Variants in ZNF254 observed in about 807,000 individuals in gnomAD.
The protein encoded by ZNF254 is zinc finger protein 254, also known as CTD-2017D11.1.
In ZNF254, 10 loss-of-function variants were observed where a neutral mutation model predicts 12.4. The observed-to-expected ratio is 0.80, with a 90% CI of 0.50 to 1.36. The LOEUF (loss-of-function observed/expected upper bound fraction) is 1.36. Ranked by LOEUF, ZNF254 falls within the 40% of genes most tolerant of loss-of-function variation. The pLI is 0.00. For missense variants in ZNF254, 996 were observed against 763.9 expected (o/e 1.30, Z -3.58); for synonymous variants, 305 against 253.4 (o/e 1.20, Z -1.93).
At chr19:24,107,416 G>A (rs1042341201) in intron 3 of ZNF254, 2 of 391,746 alleles carry the variant, frequency 5.1e-6, no homozygotes, top group African/African-American at 4.2e-5. Context: ...TGAGCTCCTT[G>A]TTTAAATTTG....
At chr19:24,106,707 TC>T (rs1383530502) in intron 3 of ZNF254, 64 bp downstream of exon 3, 1 of 1,344,638 alleles carries the variant, frequency 7.4e-7, no homozygotes, top group Non-Finnish European at 1.0e-6. Context: ...AGAAAGCCAC[TC>T]TTTAAAGTGA....
intron 2 of ZNF254, 29 bp downstream of exon 2, chr19:24,106,095 C>G (rs761572302): frequency 6.5e-7 from 1 of 1,543,416 alleles, no homozygotes; most frequent in East Asian, 2.3e-5. Flanking sequence ...CAAAATTCCT[C>G]ACATAAACTA....
intron 2 of ZNF254, chr19:24,063,775 A>G (rs1971166134): frequency 6.8e-6 from 1 of 147,938 alleles, no homozygotes; most frequent in Admixed American, 6.8e-5. Context: ...CACTAAGGTG[A>G]TGTTACTTTT....
intron 1 of ZNF254, chr19:24,105,105 CTA>C (rs1459590986): frequency 6.5e-6 from 1 of 153,798 alleles, no homozygotes; most frequent in Non-Finnish European, 1.4e-5. Context: ...CATCAGCACA[CTA>C]TAAAAACCTG....
At chr19:24,069,605 A>C (rs926761880) in intron 2 of ZNF254, among the ~76,000 whole-genome samples, 4 of 90,810 alleles carry the variant, frequency 4.4e-5, no homozygotes, top group Non-Finnish European at 9.5e-5. Flanking sequence ...ACTCCATCTC[A>C]AAAAAAAAAA....
chr19:24,106,352 C>G, intron 2 of ZNF254, 196 bp from the exon 3 acceptor site: 1 of 514,870 alleles, frequency 1.9e-6, no homozygotes, highest in Non-Finnish European at 3.1e-6. Flanking sequence ...ATTTTTGATT[C>G]AGTAGTACCA....
chr19:24,036,090 C>T (rs1309826797), intron 1 of ZNF254, among the ~76,000 whole-genome samples: 1 of 151,998 alleles, frequency 6.6e-6, no homozygotes, highest in Non-Finnish European at 1.5e-5. Flanking sequence ...GAGATGGAGG[C>T]TCACTCTGTC....
chr19:24,041,410 A>C (rs1056876082), intron 1 of ZNF254, among the ~76,000 whole-genome samples: 1 of 152,252 alleles, frequency 6.6e-6, no homozygotes, highest in Non-Finnish European at 1.5e-5. Flanking sequence ...CACTCGGAGC[A>C]GCCAGCCAGC....
chr19:24,106,596 A>G lies in ZNF254; in HGVS notation c.206A>G (p.Lys69Arg). The G allele has an allele frequency of 6.3e-7, 1 of 1,583,380 alleles. No homozygotes were observed. The highest frequency in any genetic ancestry group is 8.6e-7 in the Non-Finnish European group (1 of 1,162,704). ...CTGATCACCTGTCTGGAACAAGGGA[A>G]AGAGCCCTGGAATATGAAGCGACAT... ...PDLITCLEQG[K>R]EPWNMKRHEM... The change falls in exon 3 of 4, where the codon AAA becomes AGA. Residue 69 changes from lysine to arginine, a missense_variant. By Grantham distance (26) the Lys-to-Arg change is conservative. Coordinates refer to ENST00000357002, the MANE Select transcript of ZNF254 (RefSeq NM_203282.4).
At chr19:24,044,100 C>T (rs74618050) in intron 1 of ZNF254, among the ~76,000 whole-genome samples, 3 of 151,700 alleles carry the variant, frequency 2.0e-5, no homozygotes, top group East Asian at 3.9e-4. Flanking sequence ...CTTAGCTGGG[C>T]GTGCTGGCAG....
chr19:24,070,700 C>T (rs969554628), intron 2 of ZNF254, among the ~76,000 whole-genome samples: 8 of 152,290 alleles, frequency 5.3e-5, no homozygotes, highest in South Asian at 2.1e-4. Context: ...GATTGTGACA[C>T]ACATCTCTGC....
chr19:24,127,094 T>C lies in ZNF254; in HGVS notation c.1094T>C (p.Leu365Pro). 2 of 1,613,392 alleles carry C rather than the reference T, an allele frequency of 1.2e-6. No individual in the cohort carries two copies. Among genetic ancestry groups the C allele is most frequent in the Non-Finnish European group, 1.7e-6 (2 of 1,179,778 alleles). The change falls in exon 4 of 4, where the codon CTT becomes CCT. Residue 365 changes from leucine to proline, a missense_variant. Coordinates refer to ENST00000357002, the MANE Select transcript of ZNF254 (RefSeq NM_203282.4). ...CGKAFSQSST[L>P]TTHKIIHTGE... ...AAAGCTTTTAGCCAGTCCTCAACCC[T>C]TACTACACATAAGATAATTCATACT... is the stretch of plus-strand genomic sequence containing the variant.
At chr19:24,049,203 TATA>T (rs1568426405) in intron 2 of ZNF254, among the ~76,000 whole-genome samples, 19 of 68,484 alleles carry the variant, frequency 2.8e-4, no homozygotes, top group African/African-American at 9.4e-4. Context: ...TATATATATA[TATA>T]TATATATATT....
At chr19:24,042,723 G>T (rs550061050) in intron 1 of ZNF254, among the ~76,000 whole-genome samples, 1 of 152,238 alleles carries the variant, frequency 6.6e-6, no homozygotes, top group Non-Finnish European at 1.5e-5. Context: ...TTCCCTACAG[G>T]TTATGTTTTT....
At chr19:24,042,509 G>T (rs936993662) in intron 1 of ZNF254, among the ~76,000 whole-genome samples, 4 of 152,144 alleles carry the variant, frequency 2.6e-5, no homozygotes, top group Non-Finnish European at 4.4e-5. Flanking sequence ...TCACCGTGAA[G>T]ATCTGCAGCT....
rs374268426 is a variant in ZNF254 at position 24,042,391 on chromosome 19, C to T, written c.-189-3793C>T. Among the ~76,000 whole-genome samples, 70 of 152,328 alleles carry T rather than the reference C, an allele frequency of 4.6e-4. No individual in the cohort carries two copies. In the South Asian group the frequency reaches 0.013, roughly 28 times the overall value. ...GCTGCCCGAGCCAGCATTGGCAACCCGCTCAGGTCCCCTTCCACACTGTGG... is the reference window on the plus strand; with the variant it reads ...GCTGCCCGAGCCAGCATTGGCAACCTGCTCAGGTCCCCTTCCACACTGTGG... On this transcript the variant is annotated intron_variant, in intron 1 of 4. Coordinates refer to the ZNF254 transcript ENST00000613065.
intron 2 of ZNF254, among the ~76,000 whole-genome samples, chr19:24,059,752 T>C (rs939840863): frequency 1.8e-4 from 27 of 152,298 alleles, no homozygotes; most frequent in Admixed American, 3.3e-4. Context: ...CACTTATGCC[T>C]GGGTCTTGAT....
intron 2 of ZNF254, chr19:24,080,201 G>C (rs6511683): frequency 0.49 from 74,603 of 152,028 alleles, 19,133 homozygotes; most frequent in African/African-American, 0.64. Context: ...CAAGTTGCAG[G>C]TCTTGGTTGC....
intron 2 of ZNF254, among the ~76,000 whole-genome samples, chr19:24,054,414 C>T (rs1431562887): frequency 6.6e-6 from 1 of 152,190 alleles, no homozygotes; most frequent in Non-Finnish European, 1.5e-5. Flanking sequence ...AATACTGTCT[C>T]TCATAGCTCG....
Sources: allele counts gnomAD v4.1 joint callset (sites outside exome capture counted in the v4.1 genomes callset), GRCh38; gene constraint gnomAD v4.1.1; transcripts MANE v1.5; gene names NCBI Gene and HGNC (gene_info 2026-07-23, HGNC 2026-07-21).